Variants in FHIT observed in about 807,000 individuals in gnomAD.
The protein encoded by FHIT is bis(5'-adenosyl)-triphosphatase.
FHIT carries 19 observed loss-of-function variants against 17.9 expected under a neutral mutation model. The observed-to-expected ratio is 1.06, with a 90% CI of 0.74 to 1.56. The LOEUF (loss-of-function observed/expected upper bound fraction) is 1.56. Among genes scored for constraint, FHIT ranks in the 40% most tolerant of loss-of-function variants. The probability of loss-of-function intolerance (pLI) is 0.00; values close to 1 mark genes in which losing one functional copy is unlikely to be tolerated. For synonymous variants in FHIT, 81 were observed against 69.7 expected (o/e 1.16, Z -0.81); for missense variants, 248 against 189.2 (o/e 1.31, Z -1.82).
chr3:60,672,113 T>C (rs1553694076), intron 4 of FHIT, among the ~76,000 whole-genome samples: 4 of 152,246 alleles, frequency 2.6e-5, no homozygotes, highest in Non-Finnish European at 5.9e-5. Context: ...TATATTTGTA[T>C]TCCTTTTACT....
chr3:60,821,246 G>A (rs540677293), intron 4 of FHIT, among the ~76,000 whole-genome samples: 1 of 152,236 alleles, frequency 6.6e-6, no homozygotes, highest in Non-Finnish European at 1.5e-5. Context: ...AAAGTGCTGG[G>A]ATTACAGGCC....
At chr3:60,757,280 C>T (rs1298167619) in intron 4 of FHIT, among the ~76,000 whole-genome samples, 1 of 152,116 alleles carries the variant, frequency 6.6e-6, no homozygotes, top group African/African-American at 2.4e-5. Context: ...ACCACCTGGG[C>T]CAGACATTGT....
At chr3:60,905,923 G>T (rs781913565) in intron 3 of FHIT, among the ~76,000 whole-genome samples, 45 of 151,988 alleles carry the variant, frequency 3.0e-4, no homozygotes, top group Non-Finnish European at 2.9e-5. Context: ...CTTGAACCAG[G>T]TAAGTTTTGA....
chr3:60,070,132 A>C (rs1702701317), intron 5 of FHIT, among the ~76,000 whole-genome samples: 2 of 152,148 alleles, frequency 1.3e-5, no homozygotes, highest in Non-Finnish European at 2.9e-5. Context: ...TCCAAGTCAC[A>C]GGGCTCAGGA....
At chr3:60,675,687 ACT>A (rs2040607705) in intron 4 of FHIT, among the ~76,000 whole-genome samples, 1 of 151,976 alleles carries the variant, frequency 6.6e-6, no homozygotes, top group Non-Finnish European at 1.5e-5. Context: ...TCTATGATAG[ACT>A]CTGACCTCAG....
intron 7 of FHIT, among the ~76,000 whole-genome samples, chr3:59,961,850 T>A (rs1707701887): frequency 6.6e-6 from 1 of 152,178 alleles, no homozygotes; most frequent in Non-Finnish European, 1.5e-5. Flanking sequence ...CCAGAGCTGT[T>A]CCTATTCGGC....
At chr3:60,204,938 CA>C (rs1261342233) in intron 5 of FHIT, among the ~76,000 whole-genome samples, 1 of 151,446 alleles carries the variant, frequency 6.6e-6, no homozygotes, top group Non-Finnish European at 1.5e-5. Flanking sequence ...CCAAAAAAAA[CA>C]AAAAAATCTG....
intron 5 of FHIT, among the ~76,000 whole-genome samples, chr3:60,466,848 C>G (rs1249851303): frequency 1.4e-5 from 2 of 139,766 alleles, no homozygotes; most frequent in African/African-American, 5.4e-5. Flanking sequence ...TTTTAATGTG[C>G]CTTTGTCTGG....
At chr3:60,597,065 G>C (rs2038294532) in intron 4 of FHIT, among the ~76,000 whole-genome samples, 1 of 152,042 alleles carries the variant, frequency 6.6e-6, no homozygotes, top group African/African-American at 2.4e-5. Flanking sequence ...CTCATTTCCT[G>C]TGCTTATGGA....
intron 4 of FHIT, among the ~76,000 whole-genome samples, chr3:60,619,600 CAAAAAAAAA>C (rs57198487): frequency 0.48 from 42,427 of 88,892 alleles, 7,135 homozygotes; most frequent in East Asian, 0.6. Flanking sequence ...TACCCACATG[CAAAAAAAAA>C]AAAAAAAAAA....
intron 8 of FHIT, among the ~76,000 whole-genome samples, chr3:59,838,076 C>T (rs1383661327): frequency 6.6e-6 from 1 of 152,098 alleles, no homozygotes; most frequent in African/African-American, 2.4e-5. Context: ...TTCCTCACTG[C>T]TCTCCACAGT....
chr3:59,964,004 C>T (rs1707808647), intron 7 of FHIT, among the ~76,000 whole-genome samples: 1 of 152,126 alleles, frequency 6.6e-6, no homozygotes, highest in South Asian at 2.1e-4. Context: ...GCACAGCTGG[C>T]TAAAAACAGA....
At chr3:61,146,375 G>C (rs2037225789) in intron 2 of FHIT, among the ~76,000 whole-genome samples, 1 of 151,942 alleles carries the variant, frequency 6.6e-6, no homozygotes, top group Non-Finnish European at 1.5e-5. Context: ...GATAATCACA[G>C]GGTTTAGTGC....
intron 4 of FHIT, among the ~76,000 whole-genome samples, chr3:60,649,820 C>A (rs2039949854): frequency 6.6e-6 from 1 of 152,032 alleles, no homozygotes; most frequent in African/African-American, 2.4e-5. Context: ...CAGCAATTTC[C>A]ATTTTGGATC....
intron 4 of FHIT, among the ~76,000 whole-genome samples, chr3:60,773,020 T>C (rs573716333): frequency 5.3e-5 from 8 of 152,238 alleles, no homozygotes; most frequent in Admixed American, 2.6e-4. Context: ...TTCTATGAGA[T>C]TGATTTGAAT....
In FHIT at chr3:60,488,515, G is replaced by A. The variant is rs114066746; in HGVS notation, c.103+48345C>T. On this transcript the variant is annotated intron_variant, in intron 5 of 9. Transcript: ENST00000492590. ...TAGAAGCTGACAGTGTCACTGGAGCGGGGTCTTGAGGATCTAGACATTGGT... is the reference window on the plus strand; with the variant it reads ...TAGAAGCTGACAGTGTCACTGGAGCAGGGTCTTGAGGATCTAGACATTGGT... Among the ~76,000 whole-genome samples the A allele has an allele frequency of 3.0e-3, 462 of 152,240 alleles. 1 individual carries two copies. The highest frequency in any genetic ancestry group is 8.7e-3 in the African/African-American group (362 of 41,542).
chr3:61,108,363 A>T (rs13095410), intron 2 of FHIT, among the ~76,000 whole-genome samples: 1 of 152,168 alleles, frequency 6.6e-6, no homozygotes, highest in East Asian at 1.9e-4. Context: ...CATTCACTCA[A>T]CACTTACTTC....
intron 4 of FHIT, among the ~76,000 whole-genome samples, chr3:60,673,984 A>AG (rs1426628744): frequency 2.0e-5 from 3 of 151,650 alleles, no homozygotes; most frequent in African/African-American, 7.2e-5. Flanking sequence ...TTTTTAAACT[A>AG]TTTTTTTTCC....
At chr3:60,089,666 T>C (rs933423723) in intron 5 of FHIT, among the ~76,000 whole-genome samples, 1 of 152,146 alleles carries the variant, frequency 6.6e-6, no homozygotes, top group Non-Finnish European at 1.5e-5. Context: ...TACCTGACAA[T>C]GGGTGATTTA....
Sources: allele counts gnomAD v4.1 joint callset (sites outside exome capture counted in the v4.1 genomes callset), GRCh38; gene constraint gnomAD v4.1.1; transcripts MANE v1.5; gene names NCBI Gene and HGNC (gene_info 2026-07-23, HGNC 2026-07-21).